The following DCC variants were observed in gnomAD, a reference collection of about 807,000 sequenced individuals.
The protein encoded by DCC is DCC netrin 1 receptor, also known as netrin receptor DCC.
DCC carries 58 observed loss-of-function variants against 172.5 expected under a neutral mutation model. The ratio of observed to expected loss-of-function variants is 0.34; its 90% confidence interval spans 0.27 to 0.42. DCC has a LOEUF of 0.42. Among genes scored for constraint, DCC ranks in the 10% least tolerant of loss-of-function variants. DCC has a pLI of 1.00. For synonymous variants in DCC, 709 were observed against 644.5 expected, an observed-to-expected ratio of 1.10 and a Z score of -1.52; for missense variants, 1,740 against 1,791.0, an observed-to-expected ratio of 0.97 and a Z score of 0.51.
chr18:52,373,520 C>A (rs1423583999), intron 1 of DCC, among the ~76,000 whole-genome samples: 1 of 152,188 alleles, frequency 6.6e-6, no homozygotes, highest in Non-Finnish European at 1.5e-5. Flanking sequence ...TCTTCTGTGA[C>A]ATGTATACCA....
In DCC at chr18:52,550,353, A is replaced by T. The variant is rs1458968854; in HGVS notation, c.92-201701A>T. 5.9e-5 allele frequency among the ~76,000 whole-genome samples: 9 copies of T among 152,044 alleles called. No individual in the cohort carries two copies. The East Asian group carries it at 1.7e-3, about 29-fold the overall frequency. On this transcript the variant is annotated intron_variant, in intron 1 of 28. Transcript: ENST00000442544. Reference sequence around the variant, plus strand: ...CTCCTGAACAGAAAAGAGATTAAAAAAAACAAAACTAAGGACATCTGAATA... The same window carrying T: ...CTCCTGAACAGAAAAGAGATTAAAATAAACAAAACTAAGGACATCTGAATA...
intron 9 of DCC, among the ~76,000 whole-genome samples, chr18:53,199,626 C>T (rs1408730026): frequency 6.7e-6 from 1 of 148,724 alleles, no homozygotes; most frequent in South Asian, 2.1e-4. Context: ...ATATATATGA[C>T]CTATAAATCA....
At chr18:52,969,135 C>G (rs1211067141) in intron 5 of DCC, among the ~76,000 whole-genome samples, 1 of 152,080 alleles carries the variant, frequency 6.6e-6, no homozygotes, top group African/African-American at 2.4e-5. Context: ...CATGCTTTTC[C>G]TGGACAATTT....
Position 53,491,215 on chromosome 18 carries a change from T to C in DCC, c.3898+4257T>C, listed in dbSNP as rs973839695. ...TTTTGGAGATGCTGATGAGGAGCAATGGCGTTAAAGAGTAGGATTAGGAAA... is the reference window on the plus strand; with the variant it reads ...TTTTGGAGATGCTGATGAGGAGCAACGGCGTTAAAGAGTAGGATTAGGAAA... On this transcript the variant is annotated intron_variant, in intron 26 of 28. Transcript: ENST00000442544. 3.3e-5 allele frequency among the ~76,000 whole-genome samples: 5 copies of C among 152,104 alleles called. No homozygotes were observed. The South Asian group carries it at 1.0e-3, about 31-fold the overall frequency.
At chr18:52,948,386 T>C (rs534301609) in intron 5 of DCC, among the ~76,000 whole-genome samples, 1 of 152,286 alleles carries the variant, frequency 6.6e-6, no homozygotes, top group East Asian at 1.9e-4. Context: ...TCTATCATTA[T>C]GAATGATATT....
intron 5 of DCC, among the ~76,000 whole-genome samples, chr18:53,028,346 G>A (rs9952826): frequency 0.12 from 17,907 of 152,002 alleles, 1,403 homozygotes; most frequent in East Asian, 0.37. Flanking sequence ...TAATAATCAC[G>A]TCTTTCTCTC....
At chr18:53,514,921 A>C (rs2144559210) in intron 27 of DCC, among the ~76,000 whole-genome samples, 1 of 151,532 alleles carries the variant, frequency 6.6e-6, no homozygotes, top group East Asian at 1.9e-4. Flanking sequence ...TCAATAGAAA[A>C]AGAGGGAATC....
intron 12 of DCC, among the ~76,000 whole-genome samples, chr18:53,293,296 A>G (rs1357285515): frequency 6.6e-6 from 1 of 152,176 alleles, no homozygotes; most frequent in African/African-American, 2.4e-5. Context: ...GATCTTAGCC[A>G]AAAAGTCAAG....
intron 1 of DCC, among the ~76,000 whole-genome samples, chr18:52,743,191 A>T (rs1283700967): frequency 1.3e-5 from 2 of 152,176 alleles, no homozygotes. Flanking sequence ...CTTAAATCAC[A>T]CTTTTTCTAA....
chr18:52,471,215 T>G (rs374950547), intron 1 of DCC, among the ~76,000 whole-genome samples: 100 of 152,182 alleles, frequency 6.6e-4, no homozygotes, highest in African/African-American at 2.3e-3. Context: ...GAAGGCATGG[T>G]TATGCACACC....
chr18:52,548,646 T>C lies in DCC; in HGVS notation c.92-203408T>C, dbSNP rs182596272. On this transcript the variant is annotated intron_variant, in intron 1 of 28. Coordinates refer to ENST00000442544, the MANE Select transcript of DCC (RefSeq NM_005215.4). ...CAATTCGAAAACTGGGTTAGTGTAA[T>C]GCAAGGCACAGCCAATACAGGCATC... 5.3e-3 allele frequency among the ~76,000 whole-genome samples: 802 copies of C among 152,226 alleles called. 13 individuals are homozygous for C. Among genetic ancestry groups the C allele is most frequent in the African/African-American group, 0.018 (766 of 41,552 alleles).
chr18:52,756,247 GGA>G (rs1397562348), intron 2 of DCC, among the ~76,000 whole-genome samples: 175 of 150,740 alleles, frequency 1.2e-3, no homozygotes, highest in African/African-American at 3.9e-3. Flanking sequence ...GCTGAAGAAG[GGA>G]AGCAGCGCTG....
At chr18:53,219,350 T>C (rs2144587647) in intron 12 of DCC, among the ~76,000 whole-genome samples, 1 of 152,264 alleles carries the variant, frequency 6.6e-6, no homozygotes, top group East Asian at 1.9e-4. Context: ...TGTTAAAGAA[T>C]TAGCGAAAAC....
At chr18:52,435,593 C>A (rs949230003) in intron 1 of DCC, among the ~76,000 whole-genome samples, 53 of 152,170 alleles carry the variant, frequency 3.5e-4, no homozygotes, top group African/African-American at 1.3e-3. Flanking sequence ...AGCTGTCTTT[C>A]CCATTTATCT....
At chr18:53,402,698 T>C (rs543016587) in intron 18 of DCC, 88 bp from the exon 19 acceptor site, 8 of 967,736 alleles carry the variant, frequency 8.3e-6, no homozygotes, top group South Asian at 7.7e-5. Flanking sequence ...TGATAGATTC[T>C]GAATGTCAAC....
intron 7 of DCC, among the ~76,000 whole-genome samples, chr18:53,122,927 C>T (rs1483623133): frequency 6.6e-6 from 1 of 152,008 alleles, no homozygotes. Context: ...CCCCTCCTTC[C>T]ATATTCAGTA....
chr18:52,528,772 C>A (rs2032057407), intron 1 of DCC, among the ~76,000 whole-genome samples: 1 of 152,080 alleles, frequency 6.6e-6, no homozygotes, highest in Admixed American at 6.5e-5. Context: ...TTTAGTGCTT[C>A]ATGGACTCTG....
chr18:53,335,534 A>T (rs545502731), intron 14 of DCC, among the ~76,000 whole-genome samples: 5 of 152,328 alleles, frequency 3.3e-5, no homozygotes, highest in African/African-American at 1.2e-4. Flanking sequence ...AGAGAATAAC[A>T]CGTCTACATA....
intron 3 of DCC, among the ~76,000 whole-genome samples, chr18:52,911,382 C>A (rs899993781): frequency 1.3e-5 from 2 of 151,582 alleles, no homozygotes; most frequent in African/African-American, 4.9e-5. Context: ...TACAATGATT[C>A]CAGTAGATGA....
Sources: gnomAD v4.1 joint callset for allele counts (sites outside exome capture counted in the v4.1 genomes callset) on GRCh38, gnomAD v4.1.1 for gene constraint, MANE v1.5 for transcripts, NCBI Gene and HGNC (gene_info 2026-07-23, HGNC 2026-07-21) for gene names.